Variants in ZNF474 observed in about 807,000 individuals in gnomAD.
ZNF474 encodes the protein 4933409D10Rik.
For synonymous variants in ZNF474, 192 were observed against 162.2 expected (o/e 1.18, Z -1.39); for missense variants, 511 against 433.8 (o/e 1.18, Z -1.58).
chr5:122,146,120 G>T (rs570582902), intron 1 of ZNF474, among the ~76,000 whole-genome samples: 12 of 152,152 alleles, frequency 7.9e-5, no homozygotes, highest in Admixed American at 7.9e-4. Context: ...GGATTAAATG[G>T]CCTCTTGCTC....
At chr5:122,133,814 G>C (rs1580595852) in intron 1 of ZNF474, among the ~76,000 whole-genome samples, 1 of 152,236 alleles carries the variant, frequency 6.6e-6, no homozygotes, top group East Asian at 1.9e-4. Flanking sequence ...TCCCACCCTG[G>C]TTCCCAAAAT....
rs560690226 is a variant in ZNF474 at position 122,137,412 on chromosome 5, A to G, written c.-213+7729A>G. ...CAGTGAGCCGAGATTATGCCACTGC[A>G]CTTCAGCCTGGGTGACAGAGTGAGA... On this transcript the variant is annotated intron_variant, in intron 1 of 1. Coordinates refer to ENST00000296600, the MANE Select transcript of ZNF474 (RefSeq NM_207317.3). Among the ~76,000 whole-genome samples, 124 of 131,622 alleles carry G rather than the reference A, an allele frequency of 9.4e-4. 5 individuals carry two copies. The South Asian group carries it at 0.031, about 33-fold the overall frequency. 86.3% of individuals were successfully genotyped at this position (131,622 alleles called of 152,430 possible).
chr5:122,153,062 C>G lies in ZNF474; in HGVS notation c.1072C>G (p.Pro358Ala), dbSNP rs1243563571. ...IHATQDALGEPGGALCL is the reference protein window; with the variant it reads ...IHATQDALGEAGGALCL ...TGCCACACAAGACGCATTAGGTGAA[C>G]CTGGTGGTGCCCTCTGCCTGTAGGG... The change falls in exon 2 of 2, where the codon CCT becomes GCT. Residue 358 changes from proline to alanine, a missense_variant. By Grantham distance (27) the Pro-to-Ala change is conservative. Coordinates refer to ENST00000296600, the MANE Select transcript of ZNF474 (RefSeq NM_207317.3). 6.2e-7 allele frequency: 1 copy of G among 1,612,210 alleles called. No individual in the cohort carries two copies. Among genetic ancestry groups the G allele is most frequent in the Admixed American group, 1.7e-5 (1 of 59,960 alleles).
Position 122,152,180 on chromosome 5 carries a change from G to C in ZNF474, c.190G>C (p.Gly64Arg). 6.2e-7 allele frequency: 1 copy of C among 1,613,984 alleles called. No homozygotes were observed. The highest frequency in any genetic ancestry group is 2.2e-5 in the East Asian group (1 of 44,870). ...IKTDTQKKRP[G>R]TVILSKLSSR... ...GACAGACACTCAGAAAAAGAGACCT[G>C]GGACTGTGATACTATCAAAACTGTC... Residue 64 changes from glycine to arginine, a missense_variant, in exon 2 of 2, where the codon GGG (glycine) becomes CGG (arginine). Transcript: ENST00000296600.
At chr5:122,134,714 A>G (rs1755657937) in intron 1 of ZNF474, among the ~76,000 whole-genome samples, 11 of 152,198 alleles carry the variant, frequency 7.2e-5, no homozygotes, top group Admixed American at 7.2e-4. Flanking sequence ...ATTGATACTG[A>G]AAGGCCTGTG....
Position 122,152,075 on chromosome 5 carries a change from C to A in ZNF474, c.85C>A (p.Gln29Lys), listed in dbSNP as rs1052435554. 6.2e-7 allele frequency: 1 copy of A among 1,614,008 alleles called. No homozygotes were observed. Among genetic ancestry groups the A allele is most frequent in the African/African-American group, 1.3e-5 (1 of 74,912 alleles). ...HSKEPTFLIN[Q>K]AGLLSSDSYS... ...TAAAGAACCCACTTTCCTTATCAAC[C>A]AAGCTGGGCTTCTCTCTAGTGACTC... Residue 29 changes from glutamine to lysine, a missense_variant, in exon 2 of 2, where the codon CAA becomes AAA. By Grantham distance (53) the Gln-to-Lys change is moderately conservative. Coordinates refer to ENST00000296600, the MANE Select transcript of ZNF474 (RefSeq NM_207317.3).
chr5:122,149,181 T>C (rs1756094892), intron 1 of ZNF474, among the ~76,000 whole-genome samples: 1 of 152,118 alleles, frequency 6.6e-6, no homozygotes, highest in Non-Finnish European at 1.5e-5. Context: ...AACTACCTAT[T>C]AGGTACTATG....
At chr5:122,146,385 G>A (rs1755990035) in intron 1 of ZNF474, among the ~76,000 whole-genome samples, 1 of 151,868 alleles carries the variant, frequency 6.6e-6, no homozygotes, top group Admixed American at 6.6e-5. Flanking sequence ...TTTCTTAAAA[G>A]AATCTCTAAA....
chr5:122,132,945 T>C (rs958859272), intron 1 of ZNF474, among the ~76,000 whole-genome samples: 2 of 152,198 alleles, frequency 1.3e-5, no homozygotes, highest in African/African-American at 2.4e-5. Context: ...GCTGAATTCT[T>C]CCATGACTGC....
rs991290483 is a variant in ZNF474, at chr5:122,133,082, A to G, written c.-213+3399A>G. Among the ~76,000 whole-genome samples, 7 of 152,314 alleles carry G rather than the reference A, an allele frequency of 4.6e-5. No individual in the cohort carries two copies. In the East Asian group the frequency reaches 9.6e-4, roughly 21 times the overall value. On this transcript the variant is annotated intron_variant, in intron 1 of 1. Coordinates refer to ENST00000296600, the MANE Select transcript of ZNF474 (RefSeq NM_207317.3). ...TGTAATAAGCAAAAGCCAAAAATATAGTTATAATCTTATTCAGGAATCATA... is the reference window on the plus strand; with the variant it reads ...TGTAATAAGCAAAAGCCAAAAATATGGTTATAATCTTATTCAGGAATCATA...
At chr5:122,133,022 G>A (rs544482536) in intron 1 of ZNF474, among the ~76,000 whole-genome samples, 1 of 152,188 alleles carries the variant, frequency 6.6e-6, no homozygotes, top group Non-Finnish European at 1.5e-5. Flanking sequence ...TTGCCCAAAT[G>A]TTTCCCCAGG....
Position 122,129,691 on chromosome 5 carries a change from A to G in ZNF474, c.-213+8A>G, listed in dbSNP as rs552766160. 3 of 152,400 alleles carry G rather than the reference A, an allele frequency of 2.0e-5. No homozygotes were observed. Among genetic ancestry groups the G allele is most frequent in the Admixed American group, 2.0e-4 (3 of 15,306 alleles). The allele number at this position is 152,400 out of a possible 1,614,324, so 9.4% of individuals were successfully genotyped here. On this transcript the variant is annotated splice_region_variant and intron_variant, in intron 1 of 1. Transcript: ENST00000296600. The stretch of plus-strand genomic sequence containing the variant: ...AAAAGGCAAAATAAAAAGGTAAAGA[A>G]CAAATGTCACAAGGTGAGGCTCTCG...
intron 1 of ZNF474, among the ~76,000 whole-genome samples, chr5:122,147,481 C>A (rs890623199): frequency 2.0e-5 from 3 of 152,128 alleles, no homozygotes; most frequent in African/African-American, 7.2e-5. Context: ...CCCATTAAAT[C>A]ATCACTTACA....
At chr5:122,133,067 A>G (rs1188320181) in intron 1 of ZNF474, among the ~76,000 whole-genome samples, 2 of 152,196 alleles carry the variant, frequency 1.3e-5, no homozygotes, top group Non-Finnish European at 2.9e-5. Flanking sequence ...TGTAATAAGC[A>G]AAAGCCAAAA....
At chr5:122,141,317 T>TTTTTTTTG in intron 1 of ZNF474, among the ~76,000 whole-genome samples, 1 of 135,780 alleles carries the variant, frequency 7.4e-6, no homozygotes, top group African/African-American at 2.8e-5. Flanking sequence ...TTTTTTTTTT[T>TTTTTTTTG]TTTTTTTTGT....
At chr5:122,132,034 C>T (rs1214286298) in intron 1 of ZNF474, among the ~76,000 whole-genome samples, 1 of 152,084 alleles carries the variant, frequency 6.6e-6, no homozygotes, top group East Asian at 1.9e-4. Flanking sequence ...AACTGATATA[C>T]TTTCTGTCAC....
intron 1 of ZNF474, among the ~76,000 whole-genome samples, chr5:122,135,526 C>G (rs768720759): frequency 1.3e-5 from 2 of 152,036 alleles, no homozygotes; most frequent in East Asian, 3.9e-4. Context: ...AAAGGGCAAC[C>G]CTTGTACACT....
chr5:122,147,961 G>A (rs938268344), intron 1 of ZNF474: 6 of 152,206 alleles, frequency 3.9e-5, no homozygotes, highest in African/African-American at 7.2e-5. Context: ...TGGTCAAAAC[G>A]AATAATTCAG....
At position 122,152,356 on chromosome 5, in the gene ZNF474, T is replaced by C. The variant is rs112615890; in HGVS notation, c.366T>C (p.Ile122=). The C allele has an allele frequency of 8.4e-5, 136 of 1,614,188 alleles. No homozygotes were observed. In the African/African-American group the frequency reaches 1.7e-3, roughly 20 times the overall value. Residue 122 remains isoleucine (I), a synonymous_variant, in exon 2 of 2, where the codon ATT becomes ATC. Transcript: ENST00000296600. The stretch of plus-strand genomic sequence containing the variant: ...CCCAGTGCTTGCAGAAGTGGCATAT[T>C]GAAAACAGCAAGTTGCCCAAGCATT... ...HEPQCLQKWH[I]ENSKLPKHLR...
Sources: gnomAD v4.1 joint callset for allele counts (sites outside exome capture counted in the v4.1 genomes callset) on GRCh38, gnomAD v4.1.1 for gene constraint, MANE v1.5 for transcripts, NCBI Gene and HGNC (gene_info 2026-07-23, HGNC 2026-07-21) for gene names.